Variants in CACNA2D3 observed in about 807,000 individuals in gnomAD.
CACNA2D3 encodes calcium voltage-gated channel auxiliary subunit alpha2delta 3.
CACNA2D3 carries 60 observed loss-of-function variants against 160.6 expected under a neutral mutation model. The ratio of observed to expected loss-of-function variants is 0.37; its 90% confidence interval spans 0.30 to 0.46. The LOEUF is 0.46. CACNA2D3 is among the 20% of genes least tolerant of loss of function. The probability of loss-of-function intolerance (pLI) is 1.00; values close to 1 mark genes in which losing one functional copy is unlikely to be tolerated. For missense variants in CACNA2D3, 1,205 were observed against 1,365.0 expected (o/e 0.88, Z 1.85); for synonymous variants, 558 against 492.9 (o/e 1.13, Z -1.75).
intron 11 of CACNA2D3, among the ~76,000 whole-genome samples, chr3:54,701,735 G>C (rs1310326347): frequency 6.6e-6 from 1 of 152,114 alleles, no homozygotes; most frequent in South Asian, 2.1e-4. Flanking sequence ...CACAGAACTA[G>C]AATAAACTAT....
intron 35 of CACNA2D3, among the ~76,000 whole-genome samples, chr3:55,033,791 A>C (rs1703740263): frequency 7.5e-6 from 1 of 133,162 alleles, no homozygotes; most frequent in Non-Finnish European, 1.6e-5. Flanking sequence ...TATATTAAAT[A>C]TATTTTATAT....
At chr3:55,053,757 C>A (rs888715707) in intron 35 of CACNA2D3, among the ~76,000 whole-genome samples, 1 of 151,922 alleles carries the variant, frequency 6.6e-6, no homozygotes, top group South Asian at 2.1e-4. Flanking sequence ...TCTTTAAAAT[C>A]TGGATGAATT....
At chr3:54,482,174 G>A (rs376356504) in intron 4 of CACNA2D3, among the ~76,000 whole-genome samples, 9 of 152,284 alleles carry the variant, frequency 5.9e-5, no homozygotes, top group South Asian at 2.1e-4. Context: ...TACTGCAGAC[G>A]CAGTTGTTAC....
At chr3:54,998,808 G>A (rs1250465295) in intron 31 of CACNA2D3, among the ~76,000 whole-genome samples, 4 of 152,006 alleles carry the variant, frequency 2.6e-5, no homozygotes, top group South Asian at 2.1e-4. Context: ...GTGCAGTGGC[G>A]TGGTCTCAGC....
chr3:54,375,433 C>T (rs534934306), intron 3 of CACNA2D3, among the ~76,000 whole-genome samples: 320 of 151,796 alleles, frequency 2.1e-3, no homozygotes, highest in African/African-American at 7.3e-3. Flanking sequence ...GTGCTCAGTC[C>T]TTTGTTAGGG....
intron 13 of CACNA2D3, among the ~76,000 whole-genome samples, chr3:54,802,877 T>A (rs566812701): frequency 1.3e-5 from 2 of 152,208 alleles, no homozygotes; most frequent in East Asian, 3.9e-4. Context: ...AGAGGAACGA[T>A]CAGACAGCAG....
At chr3:54,997,011 G>A (rs568946864) in intron 31 of CACNA2D3, among the ~76,000 whole-genome samples, 9 of 151,924 alleles carry the variant, frequency 5.9e-5, no homozygotes, top group Admixed American at 2.6e-4. Context: ...ATCACACACC[G>A]GGGCCTGTCA....
chr3:54,630,924 A>G (rs1699224068), intron 10 of CACNA2D3, among the ~76,000 whole-genome samples: 1 of 152,174 alleles, frequency 6.6e-6, no homozygotes, highest in South Asian at 2.1e-4. Flanking sequence ...ATGATAGGCC[A>G]GGCACGGTGG....
intron 2 of CACNA2D3, among the ~76,000 whole-genome samples, chr3:54,286,299 G>A (rs34363779): frequency 5.9e-5 from 9 of 152,260 alleles, no homozygotes; most frequent in East Asian, 1.9e-4. Context: ...CCTCAGGAGC[G>A]GATGCGATCA....
At chr3:54,544,162 A>G (rs1249663591) in intron 5 of CACNA2D3, among the ~76,000 whole-genome samples, 1 of 152,216 alleles carries the variant, frequency 6.6e-6, no homozygotes, top group Non-Finnish European at 1.5e-5. Context: ...TTCAATTGTA[A>G]GAGATAATAT....
intron 4 of CACNA2D3, among the ~76,000 whole-genome samples, chr3:54,424,892 C>T (rs569671140): frequency 3.7e-4 from 57 of 152,326 alleles, no homozygotes; most frequent in Non-Finnish European, 7.2e-4. Flanking sequence ...CCGATTACCA[C>T]GTTTCTGCAT....
chr3:54,682,588 G>C (rs1313898857), intron 11 of CACNA2D3, among the ~76,000 whole-genome samples: 2 of 152,118 alleles, frequency 1.3e-5, no homozygotes, highest in Non-Finnish European at 2.9e-5. Context: ...TCCAGCCTGG[G>C]TGACAGAGTA....
chr3:54,842,505 C>T (rs1698840233), intron 16 of CACNA2D3, among the ~76,000 whole-genome samples: 1 of 152,104 alleles, frequency 6.6e-6, no homozygotes, highest in Non-Finnish European at 1.5e-5. Context: ...TGAGGTGGCC[C>T]CTTTCCCACA....
chr3:54,823,482 C>T (rs1401521054), intron 14 of CACNA2D3, among the ~76,000 whole-genome samples: 1 of 152,010 alleles, frequency 6.6e-6, no homozygotes, highest in Non-Finnish European at 1.5e-5. Flanking sequence ...ACACTTTCAG[C>T]CTTTGACTCA....
chr3:54,887,826 G>A (rs1699961112), intron 23 of CACNA2D3, 133 bp from the exon 24 acceptor site: 4 of 672,514 alleles, frequency 5.9e-6, no homozygotes, highest in African/African-American at 1.8e-5. Context: ...TTCAACTAGT[G>A]GGAACTTAAC....
intron 29 of CACNA2D3, among the ~76,000 whole-genome samples, chr3:54,980,547 G>C (rs961286654): frequency 1.3e-5 from 2 of 151,862 alleles, no homozygotes; most frequent in Non-Finnish European, 2.9e-5. Context: ...TTTCCTTGGT[G>C]GTCTCAAATA....
chr3:54,735,873 A>G, intron 11 of CACNA2D3, among the ~76,000 whole-genome samples: 1 of 148,820 alleles, frequency 6.7e-6, no homozygotes, highest in Non-Finnish European at 1.5e-5. Context: ...GAAAAAAAAT[A>G]AAAAAATAGA....
In CACNA2D3 at chr3:54,698,067, T is replaced by G. The variant is rs138098793; in HGVS notation, c.1168-54532T>G. 8.9e-4 allele frequency among the ~76,000 whole-genome samples: 135 copies of G among 152,372 alleles called. 4 individuals are homozygous for G. The East Asian group carries it at 0.02, about 23-fold the overall frequency. ...TTTTTGCTGCTCTCTCTCCTTACTT[T>G]CATTTAAAATGATGAACTGCAAACA... On this transcript the variant is annotated intron_variant, in intron 11 of 37. Transcript: ENST00000474759.
chr3:54,224,616 CTG>C (rs1701636333), intron 2 of CACNA2D3, among the ~76,000 whole-genome samples: 1 of 152,186 alleles, frequency 6.6e-6, no homozygotes, highest in Admixed American at 6.5e-5. Context: ...CAGGGCATGA[CTG>C]TATATGAATA....
Sources: gnomAD v4.1 joint callset for allele counts (sites outside exome capture counted in the v4.1 genomes callset) on GRCh38, gnomAD v4.1.1 for gene constraint, MANE v1.5 for transcripts, NCBI Gene and HGNC (gene_info 2026-07-23, HGNC 2026-07-21) for gene names.